The following GLIS1 variants were observed in gnomAD, a reference collection of about 807,000 sequenced individuals.
The protein encoded by GLIS1 is GLIS family zinc finger 1.
GLIS1 carries 24 observed loss-of-function variants against 63.8 expected under a neutral mutation model. The observed-to-expected ratio is 0.38, with a 90% CI of 0.27 to 0.53. GLIS1 has a LOEUF of 0.53. Ranked by LOEUF, GLIS1 falls within the 20% of genes least tolerant of loss-of-function variation. The pLI, the probability that GLIS1 is intolerant of heterozygous loss-of-function variation, is 0.85. For synonymous variants in GLIS1, 450 were observed against 482.5 expected, an observed-to-expected ratio of 0.93 and a Z score of 0.88; for missense variants, 1,036 against 1,074.1, an observed-to-expected ratio of 0.96 and a Z score of 0.50.
At chr1:53,692,078 C>A (rs772002395) in intron 2 of GLIS1, among the ~76,000 whole-genome samples, 1 of 152,178 alleles carries the variant, frequency 6.6e-6, no homozygotes, top group Non-Finnish European at 1.5e-5. Context: ...TATTAAATAC[C>A]TGACCCCTCA....
intron 2 of GLIS1, among the ~76,000 whole-genome samples, chr1:53,687,479 G>A (rs1248818819): frequency 2.0e-5 from 3 of 152,150 alleles, no homozygotes; most frequent in Admixed American, 6.5e-5. Flanking sequence ...GCACAGTTGA[G>A]CCCCCACAAT....
intron 4 of GLIS1, among the ~76,000 whole-genome samples, chr1:53,566,324 A>G (rs1031348465): frequency 5.3e-5 from 8 of 152,218 alleles, no homozygotes; most frequent in Non-Finnish European, 8.8e-5. Flanking sequence ...ATAAAAGTAT[A>G]TGTAGAAAAT....
At chr1:53,727,581 A>C (rs1646818176) in intron 2 of GLIS1, among the ~76,000 whole-genome samples, 1 of 152,240 alleles carries the variant, frequency 6.6e-6, no homozygotes, top group Non-Finnish European at 1.5e-5. Context: ...AAAAGCGCCA[A>C]TCCTGGCCAA....
Position 53,506,605 on chromosome 1 carries a change from A to G in GLIS1, c.*14T>C. On this transcript the variant is annotated 3_prime_UTR_variant, in exon 11 of 11. Coordinates refer to ENST00000628545, the MANE Select transcript of GLIS1 (RefSeq NM_001367484.1). ...TCTGCAGTGCTGGATGGGCAGGCGC[A>G]TGTGGGGGCTCCTTCAGGTGTCTGT... 1.2e-6 allele frequency: 2 copies of G among 1,612,692 alleles called. No homozygotes were observed. Among genetic ancestry groups the G allele is most frequent in the Non-Finnish European group, 1.7e-6 (2 of 1,179,562 alleles).
chr1:53,629,801 G>C (rs948844422), intron 2 of GLIS1, among the ~76,000 whole-genome samples: 7 of 152,136 alleles, frequency 4.6e-5, no homozygotes, highest in African/African-American at 1.4e-4. Flanking sequence ...TGTCCCACTT[G>C]AATACAAGCT....
At chr1:53,705,098 C>T (rs1183436680) in intron 2 of GLIS1, among the ~76,000 whole-genome samples, 1 of 152,170 alleles carries the variant, frequency 6.6e-6, no homozygotes, top group Non-Finnish European at 1.5e-5. Context: ...TTTTCCTAGG[C>T]CTCATGCTGC....
intron 4 of GLIS1, among the ~76,000 whole-genome samples, chr1:53,553,432 T>A (rs1644783076): frequency 6.6e-6 from 1 of 151,722 alleles, no homozygotes; most frequent in Non-Finnish European, 1.5e-5. Context: ...ATCCATAAAC[T>A]ATTTCTCAAA....
chr1:53,549,819 G>T (rs1644740415), intron 4 of GLIS1, among the ~76,000 whole-genome samples: 1 of 152,214 alleles, frequency 6.6e-6, no homozygotes, highest in Admixed American at 6.5e-5. Flanking sequence ...ACGCCATGAG[G>T]TAGGTATGGT....
intron 4 of GLIS1, among the ~76,000 whole-genome samples, chr1:53,561,836 G>A (rs144384221): frequency 1.3e-5 from 2 of 152,320 alleles, no homozygotes; most frequent in African/African-American, 4.8e-5. Flanking sequence ...TCCAGAGGGT[G>A]TCCAGAGAAA....
chr1:53,730,695 A>G (rs868840962), intron 2 of GLIS1, among the ~76,000 whole-genome samples: 1 of 152,172 alleles, frequency 6.6e-6, no homozygotes, highest in South Asian at 2.1e-4. Flanking sequence ...AACACCTCGG[A>G]CCAGAACGGC....
At chr1:53,567,108 A>G (rs976422294) in intron 4 of GLIS1, among the ~76,000 whole-genome samples, 3 of 152,218 alleles carry the variant, frequency 2.0e-5, no homozygotes, top group Non-Finnish European at 4.4e-5. Flanking sequence ...AGTTGTGACC[A>G]AAATGCTGAT....
Position 53,524,761 on chromosome 1 carries a change from A to T in GLIS1, c.1593+16T>A. Reference sequence around the variant, plus strand: ...CTGCGAGGTGGGAGGAGGCCAGATGAGGAGGGCTGGCTTACCTTCTTACGC... The same window carrying T: ...CTGCGAGGTGGGAGGAGGCCAGATGTGGAGGGCTGGCTTACCTTCTTACGC... On this transcript the variant is annotated intron_variant, in intron 6 of 10. Transcript: ENST00000628545. 3 of 1,596,172 alleles carry T rather than the reference A, an allele frequency of 1.9e-6. No individual in the cohort carries two copies. The highest frequency in any genetic ancestry group is 2.6e-6 in the Non-Finnish European group (3 of 1,164,794).
At chr1:53,522,220 G>A (rs773581635) in intron 6 of GLIS1, among the ~76,000 whole-genome samples, 5 of 152,280 alleles carry the variant, frequency 3.3e-5, no homozygotes, top group Admixed American at 6.5e-5. Context: ...TCTCTGAAAC[G>A]CGGCAGGGCT....
rs544287124 is a variant in GLIS1 at position 53,670,161 on chromosome 1, G to A, written c.259+67645C>T. Among the ~76,000 whole-genome samples the A allele has an allele frequency of 8.5e-5, 13 of 152,310 alleles. No homozygotes were observed. The East Asian group carries it at 2.1e-3, about 25-fold the overall frequency. ...TCAATATTAAACTAGCTCTGGCCAA[G>A]AATGGCTCAGCCAACAGGAATCTGA... On this transcript the variant is annotated intron_variant, in intron 2 of 10. Coordinates refer to ENST00000628545, the MANE Select transcript of GLIS1 (RefSeq NM_001367484.1).
chr1:53,649,373 T>C (rs1191866846), intron 2 of GLIS1, among the ~76,000 whole-genome samples: 3 of 152,232 alleles, frequency 2.0e-5, no homozygotes, highest in East Asian at 1.9e-4. Context: ...CCTGTTGCTA[T>C]TGGGTGAGCT....
intron 2 of GLIS1, among the ~76,000 whole-genome samples, chr1:53,609,786 G>C (rs1031584416): frequency 1.3e-5 from 2 of 152,184 alleles, no homozygotes; most frequent in African/African-American, 4.8e-5. Context: ...GAACATCATA[G>C]AATGTACTTA....
Position 53,506,500 on chromosome 1 carries a change from G to C in GLIS1, c.*119C>G. The C allele has an allele frequency of 9.0e-7, 1 of 1,106,384 alleles. No individual in the cohort carries two copies. The highest frequency in any genetic ancestry group is 1.3e-6 in the Non-Finnish European group (1 of 759,294). The allele number at this position is 1,106,384 out of a possible 1,614,324, so 68.5% of individuals were successfully genotyped here. A position where few individuals can be genotyped will look rare whatever the true frequency, so the allele number is the denominator to read the frequency against. ...GCAGCGCTGGCTCCCCTGGGTCATG[G>C]CCTGGCTGTTCCGGCTGTGGCCTGG... On this transcript the variant is annotated 3_prime_UTR_variant, in exon 11 of 11. Coordinates refer to ENST00000628545, the MANE Select transcript of GLIS1 (RefSeq NM_001367484.1).
intron 2 of GLIS1, among the ~76,000 whole-genome samples, chr1:53,624,024 G>A (rs192945560): frequency 1.1e-4 from 16 of 152,108 alleles, no homozygotes; most frequent in African/African-American, 2.9e-4. Context: ...TAGGCTTTTT[G>A]GTAAAATTTG....
intron 4 of GLIS1, among the ~76,000 whole-genome samples, chr1:53,569,761 T>A (rs1644967360): frequency 6.6e-6 from 1 of 151,950 alleles, no homozygotes. Context: ...GGGTATAATA[T>A]AAATATTTAA....
Sources: allele counts gnomAD v4.1 joint callset (sites outside exome capture counted in the v4.1 genomes callset), GRCh38; gene constraint gnomAD v4.1.1; transcripts MANE v1.5; gene names NCBI Gene and HGNC (gene_info 2026-07-23, HGNC 2026-07-21).